The following INTS4 variants were observed in gnomAD, a reference collection of about 807,000 sequenced individuals.
INTS4 encodes the protein integrator complex subunit 4, also known as MSTP093.
INTS4 carries 70 observed loss-of-function variants against 119.5 expected under a neutral mutation model. That is an observed-to-expected ratio of 0.59 (90% CI 0.48 to 0.71). The LOEUF is 0.71. Among genes scored for constraint, INTS4 ranks in the 30% least tolerant of loss-of-function variants. The pLI is 0.00. For synonymous variants in INTS4, 316 were observed against 419.6 expected (o/e 0.75, Z 3.02); for missense variants, 867 against 1,173.2 (o/e 0.74, Z 3.81).
chr11:77,940,858 C>T (rs1953914403), intron 9 of INTS4, among the ~76,000 whole-genome samples: 1 of 152,146 alleles, frequency 6.6e-6, no homozygotes, highest in Admixed American at 6.5e-5. Context: ...TGGTCTCAAA[C>T]TCCTGGCCAC....
chr11:77,942,299 G>A (rs567036632), intron 8 of INTS4, among the ~76,000 whole-genome samples: 34 of 152,280 alleles, frequency 2.2e-4, no homozygotes, highest in Admixed American at 5.9e-4. Flanking sequence ...TACAGGCAGG[G>A]AGAGGTATAC....
intron 7 of INTS4, among the ~76,000 whole-genome samples, 182 bp downstream of exon 7, chr11:77,958,564 T>C (rs1218147826): frequency 1.3e-5 from 2 of 152,268 alleles, no homozygotes; most frequent in African/African-American, 4.8e-5. Context: ...AGAAAGTTCC[T>C]ATCAGAGATG....
At chr11:77,882,301 A>G (rs60208812) in intron 22 of INTS4, among the ~76,000 whole-genome samples, 21,203 of 152,130 alleles carry the variant, frequency 0.14, 1,654 homozygotes, top group Admixed American at 0.2. Flanking sequence ...CCTTAAGAGG[A>G]AATGGGGCCT....
At chr11:77,987,020 A>T (rs1175637213) in intron 2 of INTS4, 2 of 152,218 alleles carry the variant, frequency 1.3e-5, no homozygotes, top group Non-Finnish European at 2.9e-5. Flanking sequence ...TTAAAGATAT[A>T]AATCAAAATT....
chr11:77,963,937 A>T lies in INTS4; in HGVS notation c.472-2799T>A, dbSNP rs761188379. ...TGGGCTCAGGTGATCCTTGATATGA[A>T]TAGTTTTTAAGGACAGATAACAATT... is the stretch of plus-strand genomic sequence containing the variant. On this transcript the variant is annotated intron_variant, in intron 4 of 22. Transcript: ENST00000534064. Among the ~76,000 whole-genome samples the T allele has an allele frequency of 1.2e-4, 18 of 152,314 alleles. No homozygotes were observed. The South Asian group carries it at 1.7e-3, about 14-fold the overall frequency.
intron 18 of INTS4, among the ~76,000 whole-genome samples, 187 bp from the exon 19 acceptor site, chr11:77,894,536 T>G (rs908754140): frequency 2.0e-5 from 3 of 152,178 alleles, no homozygotes; most frequent in Non-Finnish European, 4.4e-5. Flanking sequence ...CAAGACCTGA[T>G]TAAACCACTG....
intron 1 of INTS4, among the ~76,000 whole-genome samples, chr11:77,992,604 A>C (rs1856740525): frequency 6.6e-6 from 1 of 152,188 alleles, no homozygotes; most frequent in African/African-American, 2.4e-5. Context: ...TGTACTGAGC[A>C]ATCACCTCCT....
At position 77,918,963 on chromosome 11, in the gene INTS4, G is replaced by A; in HGVS notation, c.1780C>T (p.Leu594=). 1 of 1,613,892 alleles carries A rather than the reference G, an allele frequency of 6.2e-7. No homozygotes were observed. The highest frequency in any genetic ancestry group is 8.5e-7 in the Non-Finnish European group (1 of 1,179,848). The change falls in exon 15 of 23, where the codon CTG becomes TTG. Residue 594 remains leucine, a synonymous_variant. Coordinates refer to ENST00000534064, the MANE Select transcript of INTS4 (RefSeq NM_033547.4). ...CTGGGAGAAACAGCTGATGACACCA[G>A]TTTTCTACCTGGTAACTAAGCAGAG... ...VPALRLPGRK[L]VSSAVSPSII...
intron 4 of INTS4, among the ~76,000 whole-genome samples, chr11:77,962,740 A>T (rs994765574): frequency 1.3e-5 from 2 of 152,150 alleles, no homozygotes; most frequent in African/African-American, 4.8e-5. Context: ...CGTCTCATGA[A>T]ATTGGTCACA....
chr11:77,990,686 CAAAA>C (rs781257703), intron 2 of INTS4, among the ~76,000 whole-genome samples: 1 of 98,484 alleles, frequency 1.0e-5, no homozygotes. Flanking sequence ...ACTCTGTCTC[CAAAA>C]AAAAAAAAAA....
intron 2 of INTS4, among the ~76,000 whole-genome samples, chr11:77,983,523 T>C (rs537222717): frequency 6.6e-6 from 1 of 152,322 alleles, no homozygotes; most frequent in African/African-American, 2.4e-5. Flanking sequence ...GGCAAAGAAC[T>C]TGAATAGACA....
At chr11:77,884,759 C>CT (rs771237448) in intron 21 of INTS4, 951 of 379,672 alleles carry the variant, frequency 2.5e-3, no homozygotes, top group South Asian at 3.2e-3. Context: ...TTCTTTCTTT[C>CT]TTTTTTTTTC....
At position 77,928,496 on chromosome 11, in the gene INTS4, G is replaced by C. The variant is rs1016046185; in HGVS notation, c.1217C>G (p.Pro406Arg). Residue 406 changes from proline to arginine, a missense_variant, in exon 11 of 23, where the codon CCC (proline) becomes CGC (arginine). By Grantham distance (103) the Pro-to-Arg change is moderately radical. This residue lies in a region of INTS4 where 208 missense variants were observed against 306.6 expected (regional missense o/e 0.68). Transcript: ENST00000534064. ...ATCAAGGCACTTCTCAGCAAAAGAG[G>C]GTGAAGACTGGGCCAACATGCAGAG... ...EALCMLAQSSPSFAEKCLDFL... is the reference protein window; with the variant it reads ...EALCMLAQSSRSFAEKCLDFL... The C allele has an allele frequency of 6.2e-7, 1 of 1,603,288 alleles. No homozygotes were observed. The highest frequency in any genetic ancestry group is 8.5e-7 in the Non-Finnish European group (1 of 1,174,082).
intron 10 of INTS4, among the ~76,000 whole-genome samples, chr11:77,932,141 A>G (rs1291042064): frequency 6.6e-6 from 1 of 152,218 alleles, no homozygotes; most frequent in Admixed American, 6.5e-5. Context: ...CTATCATCAG[A>G]GTGAACAGGC....
At chr11:77,906,230 T>C (rs1480840614) in intron 16 of INTS4, among the ~76,000 whole-genome samples, 1 of 152,164 alleles carries the variant, frequency 6.6e-6, no homozygotes, top group African/African-American at 2.4e-5. Flanking sequence ...ACCCTAAATA[T>C]TTTGTCATGT....
chr11:77,934,059 T>G (rs1029619558), intron 10 of INTS4, among the ~76,000 whole-genome samples: 46 of 151,770 alleles, frequency 3.0e-4, no homozygotes, highest in Non-Finnish European at 4.7e-4. Context: ...AAAAATCTTC[T>G]GCCTTGGGAT....
rs1364500896 is a variant in INTS4, at chr11:77,991,809, G to A, written c.55-510C>T. On this transcript the variant is annotated intron_variant, in intron 1 of 22. Transcript: ENST00000534064. Reference sequence around the variant, plus strand: ...GCAAGACACTGTCGCCCAGGCAGGAGTGCAATGGTGCAATCTTGGCTTGCT... The same window carrying A: ...GCAAGACACTGTCGCCCAGGCAGGAATGCAATGGTGCAATCTTGGCTTGCT... Among the ~76,000 whole-genome samples, 3 of 152,190 alleles carry A rather than the reference G, an allele frequency of 2.0e-5. No homozygotes were observed. In the East Asian group the frequency reaches 5.8e-4, roughly 30 times the overall value.
chr11:77,875,835 A>G (rs1022720297), downstream of INTS4, among the ~76,000 whole-genome samples: 2 of 152,204 alleles, frequency 1.3e-5, no homozygotes, highest in Non-Finnish European at 2.9e-5. Context: ...TCCCAGGCTC[A>G]GCAGGTCCAA....
chr11:77,898,803 T>A (rs1204804419), intron 18 of INTS4, among the ~76,000 whole-genome samples: 1 of 152,106 alleles, frequency 6.6e-6, no homozygotes, highest in Non-Finnish European at 1.5e-5. Flanking sequence ...GTGGATCACT[T>A]GAGGCCAGGA....
Sources: allele counts gnomAD v4.1 joint callset (sites outside exome capture counted in the v4.1 genomes callset), GRCh38; gene constraint gnomAD v4.1.1; regional missense constraint gnomAD v4.1.1; transcripts MANE v1.5; gene names NCBI Gene and HGNC (gene_info 2026-07-23, HGNC 2026-07-21).